Variants in ANGPT1 observed in about 807,000 individuals in gnomAD.
ANGPT1 encodes the protein angiopoietin 1.
Under a neutral mutation model 62.2 loss-of-function variants are expected in ANGPT1, and 17 were observed. The ratio of observed to expected loss-of-function variants is 0.27; its 90% CI spans 0.19 to 0.41. ANGPT1 has a LOEUF of 0.41. Ranked by LOEUF, ANGPT1 falls within the 10% of genes least tolerant of loss-of-function variation. The pLI, the probability that ANGPT1 is intolerant of heterozygous loss-of-function variation, is 1.00. For synonymous variants in ANGPT1, 199 were observed against 198.9 expected (o/e 1.00, Z 0.00); for missense variants, 478 against 594.9 (o/e 0.80, Z 2.04).
intron 1 of ANGPT1, among the ~76,000 whole-genome samples, chr8:107,429,421 A>G (rs909551986): frequency 2.6e-5 from 4 of 152,190 alleles, no homozygotes; most frequent in Non-Finnish European, 5.9e-5. Flanking sequence ...AACCCCCTTG[A>G]AGCCGAAGTT....
At chr8:107,490,729 A>G (rs1052282630) in intron 1 of ANGPT1, among the ~76,000 whole-genome samples, 4 of 152,238 alleles carry the variant, frequency 2.6e-5, no homozygotes, top group Non-Finnish European at 4.4e-5. Flanking sequence ...CAACTCCTCA[A>G]TTCTGCTTTT....
rs1033588713 is a variant in ANGPT1, at chr8:107,331,765, G to A, written c.575+4385C>T. 9.2e-5 allele frequency among the ~76,000 whole-genome samples: 14 copies of A among 152,266 alleles called. No individual in the cohort carries two copies. In the East Asian group the frequency reaches 2.7e-3, roughly 29 times the overall value. On this transcript the variant is annotated intron_variant, in intron 3 of 8. Coordinates refer to ENST00000517746, the MANE Select transcript of ANGPT1 (RefSeq NM_001146.5). Reference sequence around the variant, plus strand: ...CGGCAGCTAGTATTGCTCAAACTATGTAGGAATGGCCATCACATGTCTCGT... The same window carrying A: ...CGGCAGCTAGTATTGCTCAAACTATATAGGAATGGCCATCACATGTCTCGT...
In ANGPT1 at chr8:107,495,584, T is replaced by C. The variant is rs1386791391; in HGVS notation, c.297+1678A>G. Among the ~76,000 whole-genome samples the C allele has an allele frequency of 3.3e-5, 5 of 152,192 alleles. No individual in the cohort carries two copies. The East Asian group carries it at 9.6e-4, about 29-fold the overall frequency. ...ACAAAACATTACGTTTTTGGTAGAATAGATCATTCAGGATAACTTGGGACT... is the reference window on the plus strand; with the variant it reads ...ACAAAACATTACGTTTTTGGTAGAACAGATCATTCAGGATAACTTGGGACT... On this transcript the variant is annotated intron_variant, in intron 1 of 8. Coordinates refer to ENST00000517746, the MANE Select transcript of ANGPT1 (RefSeq NM_001146.5).
intron 5 of ANGPT1, among the ~76,000 whole-genome samples, chr8:107,298,446 C>T (rs1814472887): frequency 6.6e-6 from 1 of 151,648 alleles, no homozygotes; most frequent in South Asian, 2.1e-4. Context: ...GTCTTGTTTC[C>T]TACTACTATA....
chr8:107,497,345 G>A lies in ANGPT1; in HGVS notation c.214C>T (p.Pro72Ser), dbSNP rs1813132611. The A allele has an allele frequency of 6.2e-7, 1 of 1,614,062 alleles. No individual in the cohort carries two copies. The highest frequency in any genetic ancestry group is 8.5e-7 in the Non-Finnish European group (1 of 1,180,026). ...YNTNALQRDA[P>S]HVEPDFSSQK... ...GAAGAGAAATCCGGTTCCACGTGTG[G>A]AGCATCTCTCTGCAGAGCGTTTGTG... is the stretch of plus-strand genomic sequence containing the variant. The change falls in exon 1 of 9, where the codon CCA (proline) becomes TCA (serine). Residue 72 changes from proline (P) to serine (S), a missense_variant. Pro to Ser is a moderately conservative substitution (Grantham distance 74, BLOSUM62 -1). Coordinates refer to ENST00000517746, the MANE Select transcript of ANGPT1 (RefSeq NM_001146.5).
At chr8:107,443,104 A>G (rs1811522417) in intron 1 of ANGPT1, among the ~76,000 whole-genome samples, 1 of 152,052 alleles carries the variant, frequency 6.6e-6, no homozygotes, top group South Asian at 2.1e-4. Flanking sequence ...TTTCTACTTT[A>G]TATACTTCCA....
At chr8:107,338,476 G>A (rs1815622318) in intron 2 of ANGPT1, among the ~76,000 whole-genome samples, 1 of 152,206 alleles carries the variant, frequency 6.6e-6, no homozygotes, top group Non-Finnish European at 1.5e-5. Flanking sequence ...AGGGGATGGG[G>A]CAGAGAATGG....
intron 4 of ANGPT1, among the ~76,000 whole-genome samples, chr8:107,320,324 A>G (rs1275526480): frequency 2.0e-5 from 3 of 152,180 alleles, no homozygotes; most frequent in African/African-American, 7.2e-5. Context: ...TTAAATTATG[A>G]TAAGTACGCA....
chr8:107,416,622 T>C (rs1250886671), intron 1 of ANGPT1, among the ~76,000 whole-genome samples: 1 of 151,924 alleles, frequency 6.6e-6, no homozygotes, highest in Admixed American at 6.6e-5. Flanking sequence ...TGTAGAAGTG[T>C]GATTGGACAA....
Position 107,387,039 on chromosome 8 carries a change from GT to G in ANGPT1, c.298-39943del, listed in dbSNP as rs561924375. On this transcript the variant is annotated intron_variant, in intron 1 of 8. Coordinates refer to ENST00000517746, the MANE Select transcript of ANGPT1 (RefSeq NM_001146.5). ...AATGATATTCCTTTAATAATTCTTA[GT>G]TTAGTGGGCTAAATAGACAGGTAAA... is the stretch of plus-strand genomic sequence containing the variant. Among the ~76,000 whole-genome samples the G allele has an allele frequency of 1.5e-3, 231 of 152,150 alleles. 6 individuals carry two copies. The South Asian group carries it at 0.046, about 31-fold the overall frequency.
chr8:107,384,909 T>C (rs1467567392), intron 1 of ANGPT1, among the ~76,000 whole-genome samples: 3 of 152,170 alleles, frequency 2.0e-5, no homozygotes, highest in African/African-American at 7.2e-5. Context: ...TTGTTGGTTT[T>C]GTCAAAGATC....
At chr8:107,465,189 A>G (rs62514473) in intron 1 of ANGPT1, among the ~76,000 whole-genome samples, 8,004 of 152,220 alleles carry the variant, frequency 0.053, 239 homozygotes, top group South Asian at 0.11. Flanking sequence ...GAAGCATCAA[A>G]TATATTCAGA....
intron 1 of ANGPT1, among the ~76,000 whole-genome samples, chr8:107,467,009 A>G (rs755513570): frequency 1.3e-5 from 2 of 152,072 alleles, no homozygotes; most frequent in Non-Finnish European, 2.9e-5. Context: ...TGCTTGGGCT[A>G]TAAGTACAAT....
intron 7 of ANGPT1, among the ~76,000 whole-genome samples, chr8:107,271,242 T>A (rs1813726766): frequency 1.3e-5 from 2 of 152,092 alleles, no homozygotes; most frequent in Non-Finnish European, 2.9e-5. Flanking sequence ...AGTTGCCTCA[T>A]CTGTAAAATA....
chr8:107,314,030 C>T (rs1372091754), intron 4 of ANGPT1, among the ~76,000 whole-genome samples: 7 of 152,126 alleles, frequency 4.6e-5, no homozygotes, highest in African/African-American at 1.7e-4. Context: ...CATATCTTAT[C>T]CGTGACTAAT....
At chr8:107,472,515 G>T (rs896014831) in intron 1 of ANGPT1, among the ~76,000 whole-genome samples, 1 of 151,940 alleles carries the variant, frequency 6.6e-6, no homozygotes, top group African/African-American at 2.4e-5. Flanking sequence ...GGTACTTAAC[G>T]TTTGTTGGGT....
intron 1 of ANGPT1, among the ~76,000 whole-genome samples, chr8:107,386,605 G>A (rs985503130): frequency 1.3e-5 from 2 of 152,004 alleles, no homozygotes; most frequent in Non-Finnish European, 2.9e-5. Context: ...GATTAAGAAC[G>A]ATGACTCTGG....
At chr8:107,333,657 C>T (rs1815477657) in intron 3 of ANGPT1, among the ~76,000 whole-genome samples, 1 of 151,988 alleles carries the variant, frequency 6.6e-6, no homozygotes, top group South Asian at 2.1e-4. Flanking sequence ...AGTCAGATTC[C>T]TTTGAGATAC....
chr8:107,304,247 T>C (rs1814663404), intron 4 of ANGPT1, among the ~76,000 whole-genome samples: 1 of 151,750 alleles, frequency 6.6e-6, no homozygotes. Flanking sequence ...ATTAACTTCT[T>C]ACAAATGAAA....
Sources: allele counts gnomAD v4.1 joint callset (sites outside exome capture counted in the v4.1 genomes callset), GRCh38; gene constraint gnomAD v4.1.1; transcripts MANE v1.5; gene names NCBI Gene and HGNC (gene_info 2026-07-23, HGNC 2026-07-21).